Variants in FHOD3 observed in about 807,000 individuals in gnomAD.
The protein encoded by FHOD3 is formin homology 2 domain containing 3, also known as FH1/FH2 domain-containing protein 3.
FHOD3 carries 90 observed loss-of-function variants against 173.0 expected under a neutral mutation model. The ratio of observed to expected loss-of-function variants is 0.52; its 90% CI spans 0.44 to 0.62. The LOEUF (loss-of-function observed/expected upper bound fraction) is 0.62, where lower values mean the gene tolerates loss of function less well. Among genes scored for constraint, FHOD3 ranks in the 20% least tolerant of loss-of-function variants. FHOD3 has a pLI of 0.00. For synonymous variants in FHOD3, 828 were observed against 823.0 expected, an observed-to-expected ratio of 1.01 and a Z score of -0.10; for missense variants, 1,945 against 2,034.7, an observed-to-expected ratio of 0.96 and a Z score of 0.85.
intron 3 of FHOD3, among the ~76,000 whole-genome samples, chr18:36,422,652 G>T (rs2050045284): frequency 6.6e-6 from 1 of 152,182 alleles, no homozygotes. Context: ...ACCTCACTCT[G>T]CAGGCTGACC....
At chr18:36,336,570 C>T (rs1198109432) in intron 1 of FHOD3, among the ~76,000 whole-genome samples, 1 of 152,132 alleles carries the variant, frequency 6.6e-6, no homozygotes, top group Admixed American at 6.5e-5. Flanking sequence ...AACGCAGTGG[C>T]TCAAGCCTGT....
chr18:36,523,474 G>T lies in FHOD3; in HGVS notation c.511+10931G>T, dbSNP rs116289420. Among the ~76,000 whole-genome samples, 862 of 152,338 alleles carry T rather than the reference G, an allele frequency of 5.7e-3. 6 individuals carry two copies. The highest frequency in any genetic ancestry group is 0.02 in the African/African-American group (814 of 41,570). ...GCTGAGGATTCTGAGGCCACATCCA[G>T]CATCAGCAGGAAAGAGCGCCACAGC... On this transcript the variant is annotated intron_variant, in intron 5 of 28. Coordinates refer to ENST00000590592, the MANE Select transcript of FHOD3 (RefSeq NM_001281740.3).
intron 3 of FHOD3, among the ~76,000 whole-genome samples, chr18:36,473,656 C>T (rs575496180): frequency 6.6e-6 from 1 of 152,298 alleles, no homozygotes; most frequent in Non-Finnish European, 1.5e-5. Flanking sequence ...CTTCCAATAA[C>T]TTCCTCACTG....
At chr18:36,661,704 T>G (rs923687883) in intron 14 of FHOD3, among the ~76,000 whole-genome samples, 1 of 152,206 alleles carries the variant, frequency 6.6e-6, no homozygotes, top group African/African-American at 2.4e-5. Flanking sequence ...TATATTCATG[T>G]GTTAGATGTT....
rs766593349 is a variant in FHOD3, at chr18:36,488,949, G to A, written c.338-12983G>A. Among the ~76,000 whole-genome samples the A allele has an allele frequency of 1.6e-4, 24 of 152,276 alleles. 1 individual carries two copies. Among genetic ancestry groups the A allele is most frequent in the Admixed American group, 5.9e-4 (9 of 15,294 alleles). On this transcript the variant is annotated intron_variant, in intron 3 of 28. Coordinates refer to ENST00000590592, the MANE Select transcript of FHOD3 (RefSeq NM_001281740.3). ...CAGGTGGGAGACAGGTTCAGGAGCC[G>A]AGGGTGGCAGGTTCTTTGAGCTGAG...
intron 24 of FHOD3, among the ~76,000 whole-genome samples, chr18:36,750,658 G>T (rs1449046995): frequency 2.0e-5 from 3 of 152,180 alleles, no homozygotes; most frequent in African/African-American, 4.8e-5. Flanking sequence ...ATCTAGAGAT[G>T]ACTTTTGTAT....
intron 3 of FHOD3, among the ~76,000 whole-genome samples, chr18:36,437,959 G>A (rs934447069): frequency 6.6e-6 from 1 of 152,094 alleles, no homozygotes; most frequent in African/African-American, 2.4e-5. Flanking sequence ...ACCGCGCCTG[G>A]CCGAGTTTTT....
chr18:36,355,428 C>T (rs1310092078), intron 1 of FHOD3, 111 bp from the exon 2 acceptor site: 2 of 808,178 alleles, frequency 2.5e-6, no homozygotes, highest in African/African-American at 1.7e-5. Flanking sequence ...ATCCACATTT[C>T]AGAACATTGC....
At chr18:36,750,419 C>T (rs936689280) in intron 24 of FHOD3, among the ~76,000 whole-genome samples, 9 of 152,190 alleles carry the variant, frequency 5.9e-5, no homozygotes, top group Non-Finnish European at 1.2e-4. Context: ...CAAAAATTTT[C>T]GCCCACTCTA....
chr18:36,541,041 A>C (rs1356701705), intron 5 of FHOD3, among the ~76,000 whole-genome samples: 1 of 151,694 alleles, frequency 6.6e-6, no homozygotes, highest in South Asian at 2.1e-4. Context: ...ACCTGAGATC[A>C]GGAGTTAGAG....
intron 5 of FHOD3, among the ~76,000 whole-genome samples, chr18:36,567,528 A>G (rs1000217469): frequency 2.3e-4 from 35 of 152,242 alleles, no homozygotes; most frequent in Admixed American, 1.3e-4. Flanking sequence ...TATAAAACCT[A>G]TAAAGACAAC....
intron 5 of FHOD3, among the ~76,000 whole-genome samples, chr18:36,560,136 T>TA (rs2058036371): frequency 6.6e-6 from 1 of 152,152 alleles, no homozygotes; most frequent in Non-Finnish European, 1.5e-5. Flanking sequence ...TGAATTAGCA[T>TA]AAAAAACAGG....
intron 14 of FHOD3, among the ~76,000 whole-genome samples, chr18:36,668,691 C>T (rs1453931590): frequency 6.6e-6 from 1 of 151,934 alleles, no homozygotes; most frequent in African/African-American, 2.4e-5. Flanking sequence ...TTTATCTTCT[C>T]TTAATATGCT....
intron 1 of FHOD3, among the ~76,000 whole-genome samples, chr18:36,343,728 T>C (rs2045743784): frequency 6.6e-6 from 1 of 152,200 alleles, no homozygotes. Context: ...AGATGCCCAG[T>C]CTTCCAGCCA....
At chr18:36,566,950 A>G (rs1164902581) in intron 5 of FHOD3, among the ~76,000 whole-genome samples, 1 of 152,182 alleles carries the variant, frequency 6.6e-6, no homozygotes, top group East Asian at 1.9e-4. Context: ...TTTCTGTTCT[A>G]TTTCATTTAT....
At chr18:36,375,947 G>A (rs542384801) in intron 3 of FHOD3, among the ~76,000 whole-genome samples, 4 of 152,242 alleles carry the variant, frequency 2.6e-5, no homozygotes, top group East Asian at 3.9e-4. Flanking sequence ...ATCTAGCTTC[G>A]ATCTTTTCAA....
In FHOD3 at chr18:36,335,981, C is replaced by T. The variant is rs144696309; in HGVS notation, c.166-19558C>T. ...CATCTCGCTGGGAGAACAGCATGAA[C>T]GTTGTGGCAACCTTTTAGGACATAC... On this transcript the variant is annotated intron_variant, in intron 1 of 28. Transcript: ENST00000590592. Among the ~76,000 whole-genome samples the T allele has an allele frequency of 8.5e-5, 13 of 152,294 alleles. No homozygotes were observed. The East Asian group carries it at 2.1e-3, about 25-fold the overall frequency.
At chr18:36,599,885 C>T (rs1290101469) in intron 7 of FHOD3, among the ~76,000 whole-genome samples, 1 of 147,000 alleles carries the variant, frequency 6.8e-6, no homozygotes, top group East Asian at 2.1e-4. Flanking sequence ...ATTTATTCAG[C>T]ACATATTTGA....
At chr18:36,683,393 T>G (rs2038385159) in intron 15 of FHOD3, among the ~76,000 whole-genome samples, 1 of 152,206 alleles carries the variant, frequency 6.6e-6, no homozygotes, top group South Asian at 2.1e-4. Flanking sequence ...TGGAATTCAT[T>G]CACTCCATCC....
Sources: gnomAD v4.1 joint callset for allele counts (sites outside exome capture counted in the v4.1 genomes callset) on GRCh38, gnomAD v4.1.1 for gene constraint, MANE v1.5 for transcripts, NCBI Gene and HGNC (gene_info 2026-07-23, HGNC 2026-07-21) for gene names.